Variants in MRPL1 observed in about 807,000 individuals in gnomAD.
The protein encoded by MRPL1 is mitochondrial ribosomal protein L1, also known as large ribosomal subunit protein uL1m.
A neutral mutation model predicts 38.0 loss-of-function variants in MRPL1; 28 were observed. The ratio of observed to expected loss-of-function variants is 0.74; its 90% confidence interval spans 0.55 to 1.01. MRPL1 has a LOEUF of 1.01. MRPL1 is among the 50% of genes least tolerant of loss of function. The probability of loss-of-function intolerance (pLI) is 0.00; values close to 1 mark genes in which losing one functional copy is unlikely to be tolerated. For missense variants in MRPL1, 358 were observed against 389.8 expected (o/e 0.92, Z 0.69); for synonymous variants, 123 against 126.7 (o/e 0.97, Z 0.20).
chr4:77,922,874 GGAAC>G (rs1736611260), intron 7 of MRPL1, among the ~76,000 whole-genome samples: 1 of 152,148 alleles, frequency 6.6e-6, no homozygotes, highest in Admixed American at 6.5e-5. Flanking sequence ...ATGTCCAAAT[GGAAC>G]TGTGTAATAG....
intron 2 of MRPL1, among the ~76,000 whole-genome samples, chr4:77,875,656 A>C (rs75599807): frequency 2.1e-5 from 3 of 145,430 alleles, no homozygotes; most frequent in African/African-American, 7.5e-5. Flanking sequence ...TGCCAAAAAC[A>C]AAAAAAAAAA....
At chr4:77,883,178 T>C in intron 2 of MRPL1, 64 bp from the exon 3 acceptor site, 1 of 1,000,024 alleles carries the variant, frequency 1.0e-6, no homozygotes, top group Non-Finnish European at 1.4e-6. Context: ...GTACACTGGC[T>C]TTTTTTTTAA....
intron 1 of MRPL1, among the ~76,000 whole-genome samples, chr4:77,869,881 G>T (rs1034481095): frequency 6.6e-6 from 1 of 151,714 alleles, no homozygotes; most frequent in Non-Finnish European, 1.5e-5. Context: ...GTGAGCCACC[G>T]CACCCAGCCT....
At chr4:77,951,952 C>T (rs1443435552) in intron 8 of MRPL1, among the ~76,000 whole-genome samples, 1 of 152,140 alleles carries the variant, frequency 6.6e-6, no homozygotes, top group African/African-American at 2.4e-5. Context: ...TTAATGAATA[C>T]AAACTATTGT....
At chr4:77,924,938 A>G (rs1307479316) in intron 7 of MRPL1, among the ~76,000 whole-genome samples, 1 of 152,212 alleles carries the variant, frequency 6.6e-6, no homozygotes, top group East Asian at 1.9e-4. Context: ...TGCCCTCAGT[A>G]TCTGCATATG....
chr4:77,932,693 C>T (rs112015199), intron 7 of MRPL1, among the ~76,000 whole-genome samples: 4,544 of 152,042 alleles, frequency 0.03, 93 homozygotes, highest in Non-Finnish European at 0.042. Flanking sequence ...AAGCTCAGGG[C>T]CCCCACTGAT....
At chr4:77,867,967 A>G (rs532157705) in intron 1 of MRPL1, among the ~76,000 whole-genome samples, 9 of 151,880 alleles carry the variant, frequency 5.9e-5, no homozygotes, top group Admixed American at 1.3e-4. Context: ...CGTGTTAGCC[A>G]GGATGGTCTT....
intron 1 of MRPL1, among the ~76,000 whole-genome samples, chr4:77,867,671 C>T (rs1297575869): frequency 6.6e-6 from 1 of 151,018 alleles, no homozygotes; most frequent in African/African-American, 2.4e-5. Context: ...TAGGCATGAG[C>T]GATCAACCCG....
rs1262573944 is a variant in MRPL1, at chr4:77,909,156, C to A, written c.671-110C>A. On this transcript the variant is annotated intron_variant, in intron 6 of 8. Transcript: ENST00000315567. ...AGAGCTCTTTGGAACTAAAGTTTAT[C>A]TGCCACAATTTATTTGCTATATCTT... The A allele has an allele frequency of 8.1e-6, 6 of 743,456 alleles. No individual in the cohort carries two copies. In the Admixed American group the frequency reaches 1.5e-4, roughly 19 times the overall value. 46.1% of individuals were successfully genotyped at this position (743,456 alleles called of 1,614,324 possible).
intron 1 of MRPL1, among the ~76,000 whole-genome samples, chr4:77,868,840 A>G (rs1451309229): frequency 2.0e-5 from 3 of 152,214 alleles, no homozygotes; most frequent in Non-Finnish European, 4.4e-5. Flanking sequence ...GAGTGGGGCT[A>G]GAGGATGCTC....
intron 2 of MRPL1, among the ~76,000 whole-genome samples, chr4:77,879,836 A>G (rs1735495624): frequency 6.6e-6 from 1 of 152,216 alleles, no homozygotes; most frequent in Admixed American, 6.5e-5. Context: ...ACTTGTCATC[A>G]GTCCAGAAGG....
intron 1 of MRPL1, among the ~76,000 whole-genome samples, chr4:77,868,443 A>G (rs932728793): frequency 2.0e-5 from 3 of 151,580 alleles, no homozygotes; most frequent in Non-Finnish European, 4.4e-5. Context: ...GGGTTTTACC[A>G]TGTTGGCCAG....
rs1318824226 is a variant in MRPL1 at position 77,937,699 on chromosome 4, C to T, written c.778-12098C>T. 2.0e-5 allele frequency among the ~76,000 whole-genome samples: 3 copies of T among 152,024 alleles called. No homozygotes were observed. In the East Asian group the frequency reaches 5.8e-4, roughly 29 times the overall value. ...GATTATGGTAGGACCTTTTTGGTGG[C>T]CTTAATTGTTGGCATCTTTCTTTAG... On this transcript the variant is annotated intron_variant, in intron 7 of 8. Transcript: ENST00000315567.
At chr4:77,891,450 A>T (rs1481594116) in intron 5 of MRPL1, among the ~76,000 whole-genome samples, 7 of 149,224 alleles carry the variant, frequency 4.7e-5, no homozygotes, top group Non-Finnish European at 8.9e-5. Context: ...CTGCCTCCTG[A>T]GTTCAAGTGA....
chr4:77,917,445 A>G (rs924933798), intron 7 of MRPL1, among the ~76,000 whole-genome samples: 1 of 152,172 alleles, frequency 6.6e-6, no homozygotes, highest in East Asian at 1.9e-4. Context: ...CTGACCCATG[A>G]TACAGTAGGG....
rs180933109 is a variant in MRPL1 at position 77,945,634 on chromosome 4, G to A, written c.778-4163G>A. Among the ~76,000 whole-genome samples the A allele has an allele frequency of 3.3e-5, 5 of 151,918 alleles. No individual in the cohort carries two copies. In the East Asian group the frequency reaches 7.7e-4, roughly 23 times the overall value. On this transcript the variant is annotated intron_variant, in intron 7 of 8. Transcript: ENST00000315567. ...TTTCTATTTTCCATAAGTGTCGGCCGGCTGAGAAATAAAGAGTATAAAGAG... is the reference window on the plus strand; with the variant it reads ...TTTCTATTTTCCATAAGTGTCGGCCAGCTGAGAAATAAAGAGTATAAAGAG...
At chr4:77,863,715 C>T (rs1045318981) in intron 1 of MRPL1, among the ~76,000 whole-genome samples, 1 of 152,260 alleles carries the variant, frequency 6.6e-6, no homozygotes, top group African/African-American at 2.4e-5. Flanking sequence ...GATCCGCCCT[C>T]CTCGGCCTCT....
chr4:77,864,874 C>T (rs1735091872), intron 1 of MRPL1: 2 of 151,164 alleles, frequency 1.3e-5, no homozygotes, highest in African/African-American at 2.4e-5. Flanking sequence ...AATGGATGGC[C>T]AATTATTGTG....
chr4:77,875,031 A>C (rs1338776617), intron 2 of MRPL1, among the ~76,000 whole-genome samples: 1 of 151,530 alleles, frequency 6.6e-6, no homozygotes, highest in Non-Finnish European at 1.5e-5. Flanking sequence ...CAGGTGATCC[A>C]CCTGCCTTGG....
Sources: gnomAD v4.1 joint callset for allele counts (sites outside exome capture counted in the v4.1 genomes callset) on GRCh38, gnomAD v4.1.1 for gene constraint, MANE v1.5 for transcripts, NCBI Gene and HGNC (gene_info 2026-07-23, HGNC 2026-07-21) for gene names.